CNOT6L: variants seen among roughly 807,000 people sequenced by gnomAD.
CNOT6L encodes the protein CCR4-NOT transcription complex subunit 6-like.
CNOT6L carries 7 observed loss-of-function variants against 64.0 expected under a neutral mutation model. The observed-to-expected ratio is 0.11, with a 90% CI of 0.06 to 0.21. CNOT6L has a LOEUF of 0.21. Ranked by LOEUF, CNOT6L falls within the 10% of genes least tolerant of loss-of-function variation. CNOT6L has a pLI of 1.00. For missense variants in CNOT6L, 245 were observed against 669.0 expected, an observed-to-expected ratio of 0.37 and a Z score of 6.99; for synonymous variants, 193 against 243.4, an observed-to-expected ratio of 0.79 and a Z score of 1.93.
At chr4:77,763,500 C>G (rs147184638) in intron 4 of CNOT6L, among the ~76,000 whole-genome samples, 229 of 151,946 alleles carry the variant, frequency 1.5e-3, no homozygotes, top group African/African-American at 5.3e-3. Context: ...TAAAATAAAC[C>G]CAAGATATGT....
At position 77,714,200 on chromosome 4, in the gene CNOT6L, G is replaced by A. The variant is rs1720478265; in HGVS notation, c.*6231C>T. On this transcript the variant is annotated 3_prime_UTR_variant, in exon 12 of 12. Coordinates refer to ENST00000504123, the MANE Select transcript of CNOT6L (RefSeq NM_144571.3). ...AAAAACACTTTATAGGTCACAGAAT[G>A]ACTCAAATGTATGCAAAATAATGAA... is the stretch of plus-strand genomic sequence containing the variant. 6.6e-6 allele frequency: 1 copy of A among 152,428 alleles called. No homozygotes were observed. Among genetic ancestry groups the A allele is most frequent in the Admixed American group, 6.6e-5 (1 of 15,238 alleles). 9.4% of individuals were successfully genotyped at this position (152,428 alleles called of 1,614,324 possible).
intron 1 of CNOT6L, among the ~76,000 whole-genome samples, chr4:77,792,640 C>T (rs1021704535): frequency 1.3e-5 from 2 of 150,042 alleles, no homozygotes; most frequent in African/African-American, 2.5e-5. Flanking sequence ...ACAGGAGAAT[C>T]GCTTGAACCC....
At chr4:77,779,695 T>A (rs1055802699) in intron 1 of CNOT6L, among the ~76,000 whole-genome samples, 1 of 152,198 alleles carries the variant, frequency 6.6e-6, no homozygotes, top group Admixed American at 6.5e-5. Context: ...GCGCAGTGGC[T>A]CACGCCTTGT....
chr4:77,753,759 C>A (rs1725129372), intron 5 of CNOT6L, among the ~76,000 whole-genome samples: 1 of 151,726 alleles, frequency 6.6e-6, no homozygotes, highest in Non-Finnish European at 1.5e-5. Context: ...TTATCATAAT[C>A]TTGTTGGCTT....
chr4:77,787,162 A>G (rs1386182593), intron 1 of CNOT6L, among the ~76,000 whole-genome samples: 1 of 152,120 alleles, frequency 6.6e-6, no homozygotes, highest in Non-Finnish European at 1.5e-5. Context: ...GCTACTCGGG[A>G]GGCTGAGGCA....
intron 7 of CNOT6L, among the ~76,000 whole-genome samples, chr4:77,744,353 T>A (rs10013711): frequency 0.06 from 8,996 of 149,950 alleles, 514 homozygotes; most frequent in East Asian, 0.19. Context: ...CTTTTTTTTT[T>A]AAAAAAAAAC....
At chr4:77,817,617 A>C (rs1402881584) in intron 1 of CNOT6L, among the ~76,000 whole-genome samples, 1 of 152,246 alleles carries the variant, frequency 6.6e-6, no homozygotes, top group African/African-American at 2.4e-5. Flanking sequence ...GCTAAGGAAA[A>C]ATCACACAGC....
At chr4:77,761,831 G>A (rs959988237) in intron 4 of CNOT6L, among the ~76,000 whole-genome samples, 3 of 152,046 alleles carry the variant, frequency 2.0e-5, no homozygotes, top group Non-Finnish European at 4.4e-5. Context: ...AAATGAAACT[G>A]TGTTCACAGA....
At chr4:77,791,188 A>T (rs1427196177) in intron 1 of CNOT6L, among the ~76,000 whole-genome samples, 1 of 152,112 alleles carries the variant, frequency 6.6e-6, no homozygotes, top group African/African-American at 2.4e-5. Flanking sequence ...TGAGGCAGGA[A>T]AATCACAAAC....
intron 8 of CNOT6L, among the ~76,000 whole-genome samples, chr4:77,740,532 G>T (rs6533239): frequency 0.86 from 131,247 of 152,290 alleles, 56,800 homozygotes; most frequent in Non-Finnish European, 0.9. Flanking sequence ...CTGTGTAACT[G>T]GAACTAGTTA....
At chr4:77,741,333 C>A (rs1369841657) in intron 8 of CNOT6L, among the ~76,000 whole-genome samples, 1 of 152,074 alleles carries the variant, frequency 6.6e-6, no homozygotes, top group Admixed American at 6.5e-5. Flanking sequence ...AACAGATTGG[C>A]TTTGGTAAAA....
At chr4:77,808,647 G>A (rs139659287) in intron 1 of CNOT6L, among the ~76,000 whole-genome samples, 1 of 152,176 alleles carries the variant, frequency 6.6e-6, no homozygotes, top group African/African-American at 2.4e-5. Flanking sequence ...AGGAAAAGAT[G>A]TTAAAGGAGA....
chr4:77,810,898 T>C (rs76550535), intron 1 of CNOT6L, among the ~76,000 whole-genome samples: 74 of 152,310 alleles, frequency 4.9e-4, no homozygotes, highest in African/African-American at 1.7e-3. Context: ...CGTGGTGTTT[T>C]ACCTTTCTGT....
chr4:77,734,717 T>A (rs1722770499), intron 8 of CNOT6L, among the ~76,000 whole-genome samples: 1 of 151,680 alleles, frequency 6.6e-6, no homozygotes, highest in African/African-American at 2.4e-5. Context: ...TCATTCTATT[T>A]AATTTTTAAT....
intron 1 of CNOT6L, among the ~76,000 whole-genome samples, chr4:77,782,509 A>T (rs1047214934): frequency 2.4e-4 from 35 of 148,160 alleles, no homozygotes; most frequent in Non-Finnish European, 3.6e-4. Flanking sequence ...ATTTTATTTT[A>T]TTTTTTTTTT....
intron 1 of CNOT6L, among the ~76,000 whole-genome samples, chr4:77,814,771 TAAGTA>T (rs1382310249): frequency 6.6e-6 from 1 of 152,076 alleles, no homozygotes; most frequent in East Asian, 1.9e-4. Flanking sequence ...GAATAAAAAA[TAAGTA>T]AAGGTGACAC....
At chr4:77,773,304 A>G in intron 3 of CNOT6L, 138 bp from the exon 4 acceptor site, 1 of 562,016 alleles carries the variant, frequency 1.8e-6, no homozygotes, top group Admixed American at 3.7e-5. Flanking sequence ...GCTCATCCAA[A>G]AACATTGCAC....
intron 1 of CNOT6L, among the ~76,000 whole-genome samples, chr4:77,795,322 A>C (rs956828305): frequency 1.3e-5 from 2 of 152,138 alleles, no homozygotes; most frequent in Admixed American, 6.6e-5. Flanking sequence ...CCCGGCCAGT[A>C]AAATTTTTTA....
intron 7 of CNOT6L, among the ~76,000 whole-genome samples, chr4:77,743,926 C>A (rs772519569): frequency 1.3e-4 from 20 of 151,826 alleles, no homozygotes; most frequent in Non-Finnish European, 2.5e-4. Context: ...TTTTTAAACA[C>A]CTTTAAGAAA....
Sources: allele counts gnomAD v4.1 joint callset (sites outside exome capture counted in the v4.1 genomes callset), GRCh38; gene constraint gnomAD v4.1.1; transcripts MANE v1.5; gene names NCBI Gene and HGNC (gene_info 2026-07-23, HGNC 2026-07-21).